The following P3H2 variants were observed in gnomAD, a reference collection of about 807,000 sequenced individuals.
P3H2 encodes the protein leprecan-like 1.
P3H2 carries 80 observed loss-of-function variants against 87.0 expected under a neutral mutation model. The observed-to-expected ratio is 0.92, with a 90% CI of 0.77 to 1.11. P3H2 has a LOEUF of 1.11. Among genes scored for constraint, P3H2 ranks in the 50% least tolerant of loss-of-function variants. The pLI, the probability that P3H2 is intolerant of heterozygous loss-of-function variation, is 0.00. For missense variants in P3H2, 1,001 were observed against 923.9 expected, an observed-to-expected ratio of 1.08 and a Z score of -1.08; for synonymous variants, 367 against 359.3, an observed-to-expected ratio of 1.02 and a Z score of -0.24.
At chr3:189,993,725 AC>A (rs1279980412) in intron 3 of P3H2, among the ~76,000 whole-genome samples, 2 of 152,198 alleles carry the variant, frequency 1.3e-5, no homozygotes, top group East Asian at 3.8e-4. Context: ...GCATTACCCA[AC>A]CATTAAATAC....
intron 3 of P3H2, among the ~76,000 whole-genome samples, chr3:189,990,513 C>T (rs1043217895): frequency 2.0e-5 from 3 of 151,616 alleles, no homozygotes; most frequent in African/African-American, 7.3e-5. Flanking sequence ...TTTTTCAAAG[C>T]GGATACAAAT....
intron 1 of P3H2, among the ~76,000 whole-genome samples, chr3:190,100,936 T>C (rs1488436528): frequency 6.6e-6 from 1 of 152,152 alleles, no homozygotes; most frequent in Admixed American, 6.6e-5. Context: ...GCTCACCCCA[T>C]GTCTCAACGT....
intron 13 of P3H2, 146 bp from the exon 14 acceptor site, chr3:189,964,244 C>CT: frequency 4.0e-6 from 3 of 756,660 alleles, no homozygotes; most frequent in East Asian, 2.7e-5. Flanking sequence ...TGTAAATTAT[C>CT]TCAATTTTCT....
At chr3:190,025,406 C>G (rs1005647751) in intron 1 of P3H2, among the ~76,000 whole-genome samples, 10 of 152,124 alleles carry the variant, frequency 6.6e-5, no homozygotes, top group African/African-American at 2.4e-4. Flanking sequence ...AGACTGTACA[C>G]TCTAAAACTA....
At position 190,120,685 on chromosome 3, in the gene P3H2, AGCG is replaced by A; in HGVS notation, c.44_46del (p.Pro15del). On this transcript the variant is annotated inframe_deletion, in exon 1 of 15. Transcript: ENST00000319332. ...GCCCCACAGTGGCGGCGGCAGTAGCAGCGGCAGCAGCAGCAGCAGCGGCGGCGC... is the reference window on the plus strand; with the variant it reads ...GCCCCACAGTGGCGGCGGCAGTAGCAGCAGCAGCAGCAGCAGCGGCGGCGC... 1 of 1,521,822 alleles carries A rather than the reference AGCG, an allele frequency of 6.6e-7. No homozygotes were observed. The allele number at this position is 1,521,822 out of a possible 1,614,324, so 94.3% of individuals were successfully genotyped here.
chr3:189,969,048 T>A (rs1723088271), intron 13 of P3H2: 1 of 321,230 alleles, frequency 3.1e-6, no homozygotes, highest in South Asian at 5.5e-5. Flanking sequence ...AAAACTGGGC[T>A]ATATTCTTCA....
chr3:190,067,856 T>G (rs1177355538), intron 1 of P3H2, among the ~76,000 whole-genome samples: 1 of 152,176 alleles, frequency 6.6e-6, no homozygotes, highest in African/African-American at 2.4e-5. Flanking sequence ...TACATGCAAG[T>G]ACAAGTTGTG....
Position 190,120,889 on chromosome 3 carries a change from C to A in P3H2, c.-158G>T. The A allele has an allele frequency of 8.2e-7, 1 of 1,221,954 alleles. No individual in the cohort carries two copies. Among genetic ancestry groups the A allele is most frequent in the South Asian group, 1.7e-5 (1 of 59,756 alleles). 75.7% of individuals were successfully genotyped at this position (1,221,954 alleles called of 1,614,324 possible). On this transcript the variant is annotated 5_prime_UTR_variant, in exon 1 of 15. Coordinates refer to ENST00000319332, the MANE Select transcript of P3H2 (RefSeq NM_018192.4). ...CAGGTGACCGCCGGCGCTCCGCGTA[C>A]TGAGAGGCGGAGGCCGTGCCTGGCC...
intron 1 of P3H2, among the ~76,000 whole-genome samples, chr3:190,103,999 C>A (rs982140095): frequency 1.3e-5 from 2 of 152,014 alleles, no homozygotes; most frequent in African/African-American, 4.8e-5. Flanking sequence ...ACTATGTTGG[C>A]CAGGCTGGTC....
intron 1 of P3H2, among the ~76,000 whole-genome samples, chr3:190,078,962 T>G (rs1045648576): frequency 2.0e-5 from 3 of 152,156 alleles, no homozygotes; most frequent in Non-Finnish European, 4.4e-5. Flanking sequence ...GTTGACAGCA[T>G]AGACTCTGGA....
intron 14 of P3H2, among the ~76,000 whole-genome samples, chr3:189,958,489 G>C (rs1722706417): frequency 6.6e-6 from 1 of 150,446 alleles, no homozygotes; most frequent in Admixed American, 6.6e-5. Context: ...TGTTGCCGGA[G>C]TTTAGGTCAG....
chr3:190,103,637 C>T (rs567704449), intron 1 of P3H2, among the ~76,000 whole-genome samples: 1 of 152,284 alleles, frequency 6.6e-6, no homozygotes, highest in African/African-American at 2.4e-5. Context: ...GCTGAAAGAG[C>T]ACTGGGACTT....
At chr3:190,065,424 C>T (rs910860181) in intron 1 of P3H2, among the ~76,000 whole-genome samples, 1 of 152,074 alleles carries the variant, frequency 6.6e-6, no homozygotes. Flanking sequence ...AGTACTCCTC[C>T]CCATCACCCA....
At chr3:190,005,214 T>G (rs1199715222) in intron 1 of P3H2, among the ~76,000 whole-genome samples, 1 of 152,238 alleles carries the variant, frequency 6.6e-6, no homozygotes, top group Non-Finnish European at 1.5e-5. Flanking sequence ...TTGCTGTGTC[T>G]GCAACATTGT....
chr3:190,056,355 C>T (rs74432392), intron 1 of P3H2, among the ~76,000 whole-genome samples: 2,920 of 152,246 alleles, frequency 0.019, 85 homozygotes, highest in African/African-American at 0.067. Flanking sequence ...CAGTTCCCTA[C>T]GGTCATGAGG....
chr3:190,044,463 A>C (rs952080825), intron 1 of P3H2, among the ~76,000 whole-genome samples: 2 of 152,206 alleles, frequency 1.3e-5, no homozygotes, highest in African/African-American at 4.8e-5. Context: ...CACAGAAAAC[A>C]GTTCTGACAT....
At chr3:189,976,632 G>A (rs773916813) in intron 8 of P3H2, among the ~76,000 whole-genome samples, 10 of 152,240 alleles carry the variant, frequency 6.6e-5, no homozygotes, top group Middle Eastern at 3.4e-3. Context: ...TAAGTGCATC[G>A]TATTTCATTT....
chr3:189,966,137 A>G (rs1221658046), intron 13 of P3H2, among the ~76,000 whole-genome samples: 1 of 96,358 alleles, frequency 1.0e-5, no homozygotes, highest in Non-Finnish European at 2.5e-5. Context: ...GAAAGAAAGA[A>G]AGAAAGAAAG....
At chr3:189,973,511 C>CTTTTTTTTT (rs869099221) in intron 10 of P3H2, among the ~76,000 whole-genome samples, 9 of 35,462 alleles carry the variant, frequency 2.5e-4, no homozygotes, top group African/African-American at 7.8e-4. Flanking sequence ...TTCTTTCTTT[C>CTTTTTTTTT]TTTTTTTTTT....
Sources: gnomAD v4.1 joint callset for allele counts (sites outside exome capture counted in the v4.1 genomes callset) on GRCh38, gnomAD v4.1.1 for gene constraint, MANE v1.5 for transcripts, NCBI Gene and HGNC (gene_info 2026-07-23, HGNC 2026-07-21) for gene names.